RPAP2: variants seen among roughly 807,000 people sequenced by gnomAD.
RPAP2 encodes the protein RNA polymerase II associated protein 2.
A neutral mutation model predicts 73.1 loss-of-function variants in RPAP2; 52 were observed. The observed-to-expected ratio is 0.71, with a 90% CI of 0.57 to 0.90. RPAP2 has a LOEUF of 0.90. Among genes scored for constraint, RPAP2 ranks in the 40% least tolerant of loss-of-function variants. The pLI is 0.00. For missense variants in RPAP2, 598 were observed against 701.8 expected (o/e 0.85, Z 1.67); for synonymous variants, 225 against 242.1 (o/e 0.93, Z 0.65).
At chr1:92,317,761 T>G (rs1571045748) in intron 6 of RPAP2, among the ~76,000 whole-genome samples, 1 of 152,188 alleles carries the variant, frequency 6.6e-6, no homozygotes, top group Non-Finnish European at 1.5e-5. Context: ...GCTTTTTCCC[T>G]TGCCTTCTTT....
At chr1:92,383,214 C>T (rs1655723171) in intron 12 of RPAP2, among the ~76,000 whole-genome samples, 1 of 152,048 alleles carries the variant, frequency 6.6e-6, no homozygotes, top group Non-Finnish European at 1.5e-5. Context: ...ATGCCTCCAG[C>T]TTTGTTCTTT....
Position 92,390,497 on chromosome 1 carries a change from A to G in RPAP2, c.*3486A>G, listed in dbSNP as rs917222689. The stretch of plus-strand genomic sequence containing the variant: ...AGAAACTGCATCAATTAATGGATGA[A>G]ATAACCAGCTAGCATCATAATGACA... On this transcript the variant is annotated 3_prime_UTR_variant, in exon 13 of 13. Transcript: ENST00000610020. 1 of 152,228 alleles carries G rather than the reference A, an allele frequency of 6.6e-6. No homozygotes were observed. The highest frequency in any genetic ancestry group is 1.5e-5 in the Non-Finnish European group (1 of 68,050). The allele number at this position is 152,228 out of a possible 1,614,324, so 9.4% of individuals were successfully genotyped here. A position where few individuals can be genotyped will look rare whatever the true frequency, so the allele number is the denominator to read the frequency against.
At chr1:92,369,539 A>T (rs1200999396) in intron 11 of RPAP2, among the ~76,000 whole-genome samples, 1 of 152,072 alleles carries the variant, frequency 6.6e-6, no homozygotes, top group Non-Finnish European at 1.5e-5. Flanking sequence ...TCCAGGCCTC[A>T]AACAGTCTTC....
rs1224704395 is a variant in RPAP2 at position 92,324,078 on chromosome 1, G to A, written c.1158G>A (p.Leu386=). 1 of 1,614,070 alleles carries A rather than the reference G, an allele frequency of 6.2e-7. No homozygotes were observed. Among genetic ancestry groups the A allele is most frequent in the Admixed American group, 1.7e-5 (1 of 60,004 alleles). ...AGACAGAAGAAACATTGAGGTTTTT[G>A]TATGGCCAGAATTATGCTTCTGTGT... ...EWKTEETLRF[L]YGQNYASVCL... is the part of the protein sequence containing the mutation. The change falls in exon 8 of 13, where the codon TTG becomes TTA. Residue 386 remains leucine, a synonymous_variant. Transcript: ENST00000610020.
At chr1:92,311,983 G>T (rs1284399891) in intron 6 of RPAP2, among the ~76,000 whole-genome samples, 1 of 152,180 alleles carries the variant, frequency 6.6e-6, no homozygotes, top group Non-Finnish European at 1.5e-5. Context: ...TCTATAGGTT[G>T]GGATGGCTGT....
At chr1:92,345,472 A>G (rs1653841015) in intron 10 of RPAP2, among the ~76,000 whole-genome samples, 1 of 142,422 alleles carries the variant, frequency 7.0e-6, no homozygotes, top group Non-Finnish European at 1.5e-5. Context: ...AGGGAGGGAA[A>G]GAGGGGAGGG....
intron 11 of RPAP2, among the ~76,000 whole-genome samples, chr1:92,364,986 T>A (rs902100735): frequency 6.6e-6 from 1 of 152,224 alleles, no homozygotes; most frequent in Non-Finnish European, 1.5e-5. Flanking sequence ...ATTTCCCTTT[T>A]ATGTCTTCAC....
chr1:92,398,459 A>T lies in RPAP2; in HGVS notation c.*11448A>T, dbSNP rs1040657179. The T allele has an allele frequency of 1.3e-5, 2 of 152,204 alleles. No individual in the cohort carries two copies. Among genetic ancestry groups the T allele is most frequent in the African/African-American group, 4.8e-5 (2 of 41,440 alleles). 9.4% of individuals were successfully genotyped at this position (152,204 alleles called of 1,614,324 possible). A position where few individuals can be genotyped will look rare whatever the true frequency, so the allele number is the denominator to read the frequency against. On this transcript the variant is annotated 3_prime_UTR_variant, in exon 13 of 13. Transcript: ENST00000610020. Reference sequence around the variant, plus strand: ...TCCTACTCATTAGGGGACAAGATCAATTCTCTAAAAAATTAACCTAGCCCA... The same window carrying T: ...TCCTACTCATTAGGGGACAAGATCATTTCTCTAAAAAATTAACCTAGCCCA...
At chr1:92,306,921 C>T (rs1448259660) in intron 5 of RPAP2, among the ~76,000 whole-genome samples, 1 of 152,092 alleles carries the variant, frequency 6.6e-6, no homozygotes, top group Non-Finnish European at 1.5e-5. Flanking sequence ...GATATGTACA[C>T]AGGTGCTAAA....
chr1:92,362,045 G>A (rs1654756343), intron 11 of RPAP2, among the ~76,000 whole-genome samples: 1 of 152,116 alleles, frequency 6.6e-6, no homozygotes, highest in Non-Finnish European at 1.5e-5. Context: ...GGTCCTAATG[G>A]AAATTTTTTA....
rs1651040261 is a variant in RPAP2 at position 92,304,039 on chromosome 1, C to T, written c.297C>T (p.Leu99=). ...DVVDERSIVK[L]CGYPLCQKKL... is the part of the protein sequence containing the mutation. Reference sequence around the variant, plus strand: ...TGGATGAACGTTCTATTGTCAAACTCTGTGGTTATCCTTTATGTCAGAAGA... The same window carrying T: ...TGGATGAACGTTCTATTGTCAAACTTTGTGGTTATCCTTTATGTCAGAAGA... Residue 99 remains leucine (L), a synonymous_variant, in exon 4 of 13, where the codon CTC becomes CTT. Coordinates refer to ENST00000610020, the MANE Select transcript of RPAP2 (RefSeq NM_024813.3). 6.2e-7 allele frequency: 1 copy of T among 1,612,906 alleles called. No individual in the cohort carries two copies. The highest frequency in any genetic ancestry group is 8.5e-7 in the Non-Finnish European group (1 of 1,179,530).
At chr1:92,347,646 C>T (rs1374523252) in intron 11 of RPAP2, among the ~76,000 whole-genome samples, 1 of 152,138 alleles carries the variant, frequency 6.6e-6, no homozygotes, top group African/African-American at 2.4e-5. Flanking sequence ...ATAAAGGCTA[C>T]CATTAAAATT....
chr1:92,305,666 AAGAC>A (rs1345939726), intron 5 of RPAP2, among the ~76,000 whole-genome samples: 4 of 152,072 alleles, frequency 2.6e-5, no homozygotes, highest in South Asian at 2.1e-4. Context: ...CTATAAGAAA[AAGAC>A]AGACAAACTA....
Position 92,326,256 on chromosome 1 carries a change from A to T in RPAP2, c.1455+1881A>T, listed in dbSNP as rs188359777. ...ATTATAATACATTACTGTGATGATG[A>T]ATAAATTCAGCACTATTTTATTTGC... On this transcript the variant is annotated intron_variant, in intron 8 of 12. Coordinates refer to ENST00000610020, the MANE Select transcript of RPAP2 (RefSeq NM_024813.3). Among the ~76,000 whole-genome samples, 225 of 152,254 alleles carry T rather than the reference A, an allele frequency of 1.5e-3. No individual in the cohort carries two copies. The South Asian group carries it at 0.019, about 13-fold the overall frequency.
chr1:92,330,913 A>G (rs1397784100), intron 8 of RPAP2, among the ~76,000 whole-genome samples: 5 of 152,252 alleles, frequency 3.3e-5, no homozygotes, highest in African/African-American at 1.2e-4. Context: ...TCCCCACCCC[A>G]TATTTACTGA....
At position 92,323,496 on chromosome 1, in the gene RPAP2, A is replaced by G; in HGVS notation, c.576A>G (p.Ser192=). Residue 192 remains serine, a synonymous_variant, in exon 8 of 13, where the codon TCA becomes TCG. Coordinates refer to ENST00000610020, the MANE Select transcript of RPAP2 (RefSeq NM_024813.3). ...VQLCSKAIKT[S]DIDNPSHFEK... is the part of the protein sequence containing the mutation. ...TATGCAGTAAAGCCATTAAAACATC[A>G]GATATCGACAATCCTAGCCACTTTG... 1 of 1,613,334 alleles carries G rather than the reference A, an allele frequency of 6.2e-7. No homozygotes were observed.
chr1:92,336,215 G>C (rs1450514175), intron 9 of RPAP2, 132 bp from the exon 10 acceptor site: 6 of 653,378 alleles, frequency 9.2e-6, no homozygotes, highest in Non-Finnish European at 1.6e-5. Context: ...CATAACCTAG[G>C]TTAACCTTTA....
chr1:92,322,181 G>C (rs1258058848), intron 7 of RPAP2, among the ~76,000 whole-genome samples: 1 of 150,990 alleles, frequency 6.6e-6, no homozygotes, highest in African/African-American at 2.4e-5. Context: ...CCTGACCTCA[G>C]GTGACCCACC....
At position 92,333,445 on chromosome 1, in the gene RPAP2, C is replaced by G. The variant is rs769715761; in HGVS notation, c.1510C>G (p.Arg504Gly). ...AAGTTCCCAGAACCAGATTAGAAAA[C>G]GCATCGTACTTGAAAAGTTGAGTAA... ...DSSSQNQIRKRIVLEKLSKVL... is the reference protein window; with the variant it reads ...DSSSQNQIRKGIVLEKLSKVL... The change falls in exon 9 of 13, where the codon CGC becomes GGC. Residue 504 changes from arginine (R) to glycine (G), a missense_variant. Coordinates refer to ENST00000610020, the MANE Select transcript of RPAP2 (RefSeq NM_024813.3). 6.2e-7 allele frequency: 1 copy of G among 1,613,384 alleles called. No individual in the cohort carries two copies. Among genetic ancestry groups the G allele is most frequent in the Non-Finnish European group, 8.5e-7 (1 of 1,179,484 alleles).
Sources: gnomAD v4.1 joint callset for allele counts (sites outside exome capture counted in the v4.1 genomes callset) on GRCh38, gnomAD v4.1.1 for gene constraint, MANE v1.5 for transcripts, NCBI Gene and HGNC (gene_info 2026-07-23, HGNC 2026-07-21) for gene names.